JMJD1C: variants seen among roughly 807,000 people sequenced by gnomAD.
JMJD1C encodes the protein jumonji domain containing 1C.
JMJD1C carries 31 observed loss-of-function variants against 245.3 expected under a neutral mutation model. The observed-to-expected ratio is 0.13, with a 90% CI of 0.09 to 0.17. The LOEUF is 0.17. Ranked by LOEUF, JMJD1C falls within the 10% of genes least tolerant of loss-of-function variation. JMJD1C has a pLI of 1.00. For synonymous variants in JMJD1C, 1,057 were observed against 1,017.4 expected (o/e 1.04, Z -0.74); for missense variants, 2,691 against 3,000.2 (o/e 0.90, Z 2.41).
intron 3 of JMJD1C, among the ~76,000 whole-genome samples, chr10:63,238,346 C>A (rs184752594): frequency 1.3e-5 from 2 of 150,726 alleles, no homozygotes; most frequent in East Asian, 3.9e-4. Flanking sequence ...GAAAGTTTAA[C>A]GTATTTAGAA....
At chr10:63,313,814 G>A (rs913467126) in intron 2 of JMJD1C, among the ~76,000 whole-genome samples, 3 of 152,136 alleles carry the variant, frequency 2.0e-5, no homozygotes, top group Non-Finnish European at 2.9e-5. Flanking sequence ...GTTTGAGTTC[G>A]TTGTAGATTC....
intron 1 of JMJD1C, among the ~76,000 whole-genome samples, chr10:63,383,197 T>G (rs891203228): frequency 7.2e-6 from 1 of 139,606 alleles, no homozygotes; most frequent in Non-Finnish European, 1.5e-5. Context: ...TTTATACTGC[T>G]GCCCACTAGG....
chr10:63,438,783 C>G (rs1381624952), intron 1 of JMJD1C, among the ~76,000 whole-genome samples: 1 of 152,116 alleles, frequency 6.6e-6, no homozygotes, highest in South Asian at 2.1e-4. Context: ...TCCTTGTTTC[C>G]TTCAGGTCTT....
intron 1 of JMJD1C, among the ~76,000 whole-genome samples, chr10:63,387,628 A>ATTTTTTT (rs1564863555): frequency 1.6e-4 from 3 of 18,526 alleles, no homozygotes; most frequent in Admixed American, 6.6e-4. Flanking sequence ...AGAAAAAAAA[A>ATTTTTTT]ATTTTTTTTT....
intron 9 of JMJD1C, 55 bp from the exon 10 acceptor site, chr10:63,208,856 AG>A: frequency 7.2e-7 from 1 of 1,384,190 alleles, no homozygotes; most frequent in Non-Finnish European, 9.8e-7. Flanking sequence ...CAAAATACAA[AG>A]ACAGCTTCTA....
chr10:63,185,029 A>AC (rs1843961983), intron 20 of JMJD1C, among the ~76,000 whole-genome samples: 1 of 152,020 alleles, frequency 6.6e-6, no homozygotes, highest in African/African-American at 2.4e-5. Context: ...TGCTGGTATC[A>AC]CAGGCGTGAG....
intron 16 of JMJD1C, among the ~76,000 whole-genome samples, chr10:63,191,349 G>T (rs758556698): frequency 2.0e-5 from 3 of 152,100 alleles, no homozygotes; most frequent in Non-Finnish European, 4.4e-5. Context: ...GGTCAGGCTG[G>T]TCTTGAACTC....
chr10:63,426,635 C>T (rs1475389772), intron 1 of JMJD1C, among the ~76,000 whole-genome samples: 1 of 152,006 alleles, frequency 6.6e-6, no homozygotes, highest in African/African-American at 2.4e-5. Context: ...CGCGCCATTG[C>T]ACTCCAGCCT....
At chr10:63,338,249 C>T (rs1943031155) in intron 2 of JMJD1C, among the ~76,000 whole-genome samples, 1 of 152,194 alleles carries the variant, frequency 6.6e-6, no homozygotes, top group African/African-American at 2.4e-5. Context: ...ATCCTCCTGC[C>T]TCAGCCTCCC....
intron 21 of JMJD1C, among the ~76,000 whole-genome samples, chr10:63,184,143 T>C (rs1843821684): frequency 6.6e-6 from 1 of 151,826 alleles, no homozygotes; most frequent in Non-Finnish European, 1.5e-5. Context: ...GCCAGGGTGG[T>C]CTCAATCTCT....
At chr10:63,331,913 C>A (rs1942192910) in intron 2 of JMJD1C, among the ~76,000 whole-genome samples, 1 of 152,216 alleles carries the variant, frequency 6.6e-6, no homozygotes, top group South Asian at 2.1e-4. Context: ...AGCCACAGCA[C>A]CCGACCTTTT....
chr10:63,196,750 A>C (rs796502748), intron 13 of JMJD1C, among the ~76,000 whole-genome samples: 2 of 152,288 alleles, frequency 1.3e-5, no homozygotes, highest in African/African-American at 4.8e-5. Context: ...TTAGGTAGTC[A>C]CTTCCAAAAT....
intron 2 of JMJD1C, among the ~76,000 whole-genome samples, chr10:63,346,063 A>C (rs1304719001): frequency 1.3e-5 from 2 of 152,124 alleles, no homozygotes; most frequent in Admixed American, 6.5e-5. Flanking sequence ...ATAATCAGTA[A>C]ATGGGGTCTC....
chr10:63,458,718 T>TTTTTTTA (rs140163137), intron 1 of JMJD1C, among the ~76,000 whole-genome samples: 12 of 122,874 alleles, frequency 9.8e-5, no homozygotes, highest in African/African-American at 3.0e-4. Flanking sequence ...TATAGCTTTT[T>TTTTTTTA]TTTTATTTAT....
chr10:63,285,319 T>C (rs1460433381), intron 2 of JMJD1C, among the ~76,000 whole-genome samples: 3 of 152,136 alleles, frequency 2.0e-5, no homozygotes, highest in Non-Finnish European at 2.9e-5. Context: ...GAGGGGTCCA[T>C]TGGCCGGAAA....
At chr10:63,465,064 A>G (rs1196642062) in intron 1 of JMJD1C, among the ~76,000 whole-genome samples, 1 of 152,254 alleles carries the variant, frequency 6.6e-6, no homozygotes, top group African/African-American at 2.4e-5. Context: ...CTCGAGCTAC[A>G]GCACTATGAA....
chr10:63,465,674 C>G lies in JMJD1C; in HGVS notation c.-12G>C, dbSNP rs761598194. On this transcript the variant is annotated 5_prime_UTR_variant, in exon 1 of 26. Transcript: ENST00000399262. ...GTCTCTACCGCCATAGCTGTCGCTG[C>G]CGAAGCGGCCGCTGCCTCCTCCAGT... 9 of 1,606,828 alleles carry G rather than the reference C, an allele frequency of 5.6e-6. No homozygotes were observed. Among genetic ancestry groups the G allele is most frequent in the Non-Finnish European group, 7.6e-6 (9 of 1,179,816 alleles).
At chr10:63,456,810 T>G (rs1178489243) in intron 1 of JMJD1C, among the ~76,000 whole-genome samples, 1 of 152,036 alleles carries the variant, frequency 6.6e-6, no homozygotes, top group Non-Finnish European at 1.5e-5. Flanking sequence ...GAAGCCAAAT[T>G]CAACTTAAAA....
intron 3 of JMJD1C, among the ~76,000 whole-genome samples, chr10:63,262,286 T>C (rs1236474438): frequency 6.6e-6 from 1 of 152,126 alleles, no homozygotes; most frequent in East Asian, 1.9e-4. Context: ...ACACGAACTC[T>C]AAATTTTTTT....
Sources: allele counts gnomAD v4.1 joint callset (sites outside exome capture counted in the v4.1 genomes callset), GRCh38; gene constraint gnomAD v4.1.1; transcripts MANE v1.5; gene names NCBI Gene and HGNC (gene_info 2026-07-23, HGNC 2026-07-21).